Variants in DDAH1 observed in about 807,000 individuals in gnomAD.
DDAH1 encodes N(G),N(G)-dimethylarginine dimethylaminohydrolase 1.
Under a neutral mutation model 28.8 loss-of-function variants are expected in DDAH1, and 19 were observed. The ratio of observed to expected loss-of-function variants is 0.66; its 90% CI spans 0.46 to 0.97. The LOEUF is 0.97. DDAH1 is among the 50% of genes least tolerant of loss of function. DDAH1 has a pLI of 0.00. For synonymous variants in DDAH1, 153 were observed against 154.4 expected, an observed-to-expected ratio of 0.99 and a Z score of 0.07; for missense variants, 326 against 375.9, an observed-to-expected ratio of 0.87 and a Z score of 1.10.
intron 1 of DDAH1, among the ~76,000 whole-genome samples, chr1:85,463,194 C>A (rs1009822465): frequency 6.6e-6 from 1 of 152,168 alleles, no homozygotes; most frequent in African/African-American, 2.4e-5. Context: ...AAAATGTATG[C>A]TTCAAAATCT....
At chr1:85,559,384 A>T (rs1263388681) in intron 1 of DDAH1, among the ~76,000 whole-genome samples, 1 of 152,186 alleles carries the variant, frequency 6.6e-6, no homozygotes, top group African/African-American at 2.4e-5. Flanking sequence ...AAAGCTCAAT[A>T]CTATTTAAAG....
intron 1 of DDAH1, among the ~76,000 whole-genome samples, chr1:85,517,143 T>C (rs1222741182): frequency 6.6e-6 from 1 of 152,000 alleles, no homozygotes; most frequent in Non-Finnish European, 1.5e-5. Context: ...TTAATAGTGT[T>C]AGGTACATAG....
chr1:85,456,564 T>C (rs2100679947), intron 1 of DDAH1, among the ~76,000 whole-genome samples: 1 of 152,384 alleles, frequency 6.6e-6, no homozygotes, highest in South Asian at 2.1e-4. Flanking sequence ...TGTTAGATGA[T>C]TTTGTCTAAC....
intron 4 of DDAH1, among the ~76,000 whole-genome samples, chr1:85,344,011 CAGTT>C (rs1441132363): frequency 6.6e-6 from 1 of 152,152 alleles, no homozygotes; most frequent in African/African-American, 2.4e-5. Flanking sequence ...GTTAGAAATT[CAGTT>C]AGTTATTTCA....
chr1:85,484,119 C>G (rs1656109495), intron 2 of DDAH1, among the ~76,000 whole-genome samples: 1 of 151,180 alleles, frequency 6.6e-6, no homozygotes, highest in Admixed American at 6.6e-5. Context: ...AAGGTTGCCT[C>G]TAGGCCCAAA....
At chr1:85,459,251 T>C (rs1290395015) in intron 1 of DDAH1, among the ~76,000 whole-genome samples, 1 of 152,248 alleles carries the variant, frequency 6.6e-6, no homozygotes, top group Admixed American at 6.5e-5. Context: ...TTCCAGCATA[T>C]CTGAATTACA....
At chr1:85,439,394 G>A (rs1244783713) in intron 1 of DDAH1, among the ~76,000 whole-genome samples, 2 of 152,220 alleles carry the variant, frequency 1.3e-5, no homozygotes, top group East Asian at 1.9e-4. Context: ...TCATAGGACT[G>A]CAGCTTCCCA....
chr1:85,328,920 T>C (rs1229193076), intron 4 of DDAH1, among the ~76,000 whole-genome samples: 1 of 152,252 alleles, frequency 6.6e-6, no homozygotes, highest in Non-Finnish European at 1.5e-5. Flanking sequence ...CAGTTGGCTT[T>C]CCATTTTAAT....
At chr1:85,341,706 G>A (rs563511675) in intron 4 of DDAH1, among the ~76,000 whole-genome samples, 1 of 152,216 alleles carries the variant, frequency 6.6e-6, no homozygotes, top group Admixed American at 6.5e-5. Flanking sequence ...CCAGCTACTC[G>A]GGAGGCTGAG....
chr1:85,554,235 G>A (rs1363139415), intron 1 of DDAH1, among the ~76,000 whole-genome samples: 1 of 145,468 alleles, frequency 6.9e-6, no homozygotes. Flanking sequence ...CAAGACCAAT[G>A]TACAGGCCCT....
intron 1 of DDAH1, among the ~76,000 whole-genome samples, chr1:85,406,304 C>T (rs192690392): frequency 6.6e-6 from 1 of 152,224 alleles, no homozygotes; most frequent in East Asian, 1.9e-4. Flanking sequence ...AGAAGCTTTC[C>T]TCATCACTAC....
chr1:85,356,222 A>G (rs1017035487), intron 2 of DDAH1, among the ~76,000 whole-genome samples: 1 of 152,214 alleles, frequency 6.6e-6, no homozygotes, highest in Non-Finnish European at 1.5e-5. Context: ...AAATAAATAA[A>G]AGTAGAGGTA....
intron 1 of DDAH1, among the ~76,000 whole-genome samples, chr1:85,378,678 G>T (rs891256086): frequency 3.9e-5 from 6 of 152,136 alleles, no homozygotes; most frequent in African/African-American, 1.4e-4. Flanking sequence ...CAATGTGCTG[G>T]GATTATAGGG....
At chr1:85,479,340 AT>A (rs1401234776) in intron 2 of DDAH1, among the ~76,000 whole-genome samples, 1 of 148,326 alleles carries the variant, frequency 6.7e-6, no homozygotes, top group South Asian at 2.2e-4. Context: ...CGCCCGGCTA[AT>A]TTTTTGTATT....
At chr1:85,509,630 A>T (rs1657152657) in intron 1 of DDAH1, among the ~76,000 whole-genome samples, 1 of 152,242 alleles carries the variant, frequency 6.6e-6, no homozygotes, top group Admixed American at 6.5e-5. Flanking sequence ...TAAACAATGT[A>T]GAGAAGACCT....
chr1:85,538,792 G>C (rs1353516617), intron 1 of DDAH1, among the ~76,000 whole-genome samples: 5 of 152,190 alleles, frequency 3.3e-5, no homozygotes, highest in Non-Finnish European at 5.9e-5. Context: ...TAAAGAAAGA[G>C]GTTTCTGTTC....
chr1:85,378,110 G>GAA (rs2100902202), intron 1 of DDAH1, among the ~76,000 whole-genome samples: 1 of 152,172 alleles, frequency 6.6e-6, no homozygotes, highest in African/African-American at 2.4e-5. Context: ...ATCAAATTTG[G>GAA]AAAACCAAAA....
At chr1:85,447,116 A>G (rs1380508266) in intron 1 of DDAH1, among the ~76,000 whole-genome samples, 1 of 152,220 alleles carries the variant, frequency 6.6e-6, no homozygotes, top group African/African-American at 2.4e-5. Flanking sequence ...GGTCAGCTAC[A>G]CAGGAGACAC....
intron 4 of DDAH1, among the ~76,000 whole-genome samples, chr1:85,325,361 G>A (rs1051665238): frequency 6.6e-5 from 10 of 152,042 alleles, no homozygotes; most frequent in Non-Finnish European, 5.9e-5. Context: ...GCGTGCGCGC[G>A]CGCGCGCACA....
Sources: allele counts gnomAD v4.1 joint callset (sites outside exome capture counted in the v4.1 genomes callset), GRCh38; gene constraint gnomAD v4.1.1; transcripts MANE v1.5; gene names NCBI Gene and HGNC (gene_info 2026-07-23, HGNC 2026-07-21).